The following DMD variants were observed in gnomAD, a reference collection of about 807,000 sequenced individuals.
DMD encodes mutant dystrophin.
A neutral mutation model predicts 330.1 loss-of-function variants in DMD; 63 were observed. The ratio of observed to expected loss-of-function variants is 0.19; its 90% CI spans 0.16 to 0.24. The LOEUF (loss-of-function observed/expected upper bound fraction) is 0.24, where lower values mean the gene tolerates loss of function less well. Among genes scored for constraint, DMD ranks in the 10% least tolerant of loss-of-function variants. DMD has a pLI of 1.00. For synonymous variants in DMD, 1,223 were observed against 959.8 expected, an observed-to-expected ratio of 1.27 and a Z score of -5.07; for missense variants, 3,344 against 2,684.1, an observed-to-expected ratio of 1.25 and a Z score of -5.43.
At chrX:32,245,445 G>A (rs1259082272) in intron 43 of DMD, among the ~76,000 whole-genome samples, 2 of 86,884 alleles carry the variant, frequency 2.3e-5, no homozygotes, top group Non-Finnish European at 4.4e-5. Context: ...GGCGATGCGG[G>A]CTCTTTTTTG....
chrX:32,344,091 G>T, intron 39 of DMD, among the ~76,000 whole-genome samples: 1 of 111,915 alleles, frequency 8.9e-6, no homozygotes, highest in Non-Finnish European at 1.9e-5. Flanking sequence ...CAGTCATCAT[G>T]CTCTTTACAA....
intron 60 of DMD, among the ~76,000 whole-genome samples, chrX:31,355,921 T>A (rs1481429317): frequency 3.6e-5 from 4 of 110,130 alleles, no homozygotes; most frequent in African/African-American, 3.3e-5. Flanking sequence ...CAAACTCTCC[T>A]GGGCCTCCCA....
intron 59 of DMD, 84 bp from the exon 60 acceptor site, chrX:31,444,711 G>T: frequency 9.9e-7 from 1 of 1,009,723 alleles, no homozygotes; most frequent in South Asian, 1.9e-5. Context: ...TCTCTTTAGG[G>T]TGCAGTGCCA....
intron 9 of DMD, among the ~76,000 whole-genome samples, chrX:32,678,444 C>T (rs748550231): frequency 1.3e-3 from 147 of 111,200 alleles, no homozygotes; most frequent in African/African-American, 4.6e-3. Context: ...TAGTAAGTAG[C>T]AGAACCAGAA....
intron 1 of DMD, among the ~76,000 whole-genome samples, chrX:33,191,946 T>C (rs1047868119): frequency 8.9e-6 from 1 of 112,150 alleles, no homozygotes; most frequent in Non-Finnish European, 1.9e-5. Context: ...ACATGTGATA[T>C]GTAACAGCAG....
intron 44 of DMD, among the ~76,000 whole-genome samples, chrX:32,205,049 A>ACACACACC (rs2147768199): frequency 1.1e-5 from 1 of 93,840 alleles, no homozygotes; most frequent in Non-Finnish European, 2.2e-5. Flanking sequence ...ACACCCACAC[A>ACACACACC]CACACAGTCG....
At chrX:31,607,175 T>A (rs974787007) in intron 55 of DMD, among the ~76,000 whole-genome samples, 1 of 111,890 alleles carries the variant, frequency 8.9e-6, no homozygotes, top group Non-Finnish European at 1.9e-5. Context: ...CAACTAATCC[T>A]GAGAACCTAT....
intron 18 of DMD, among the ~76,000 whole-genome samples, chrX:32,514,517 G>T (rs1030635710): frequency 4.5e-5 from 5 of 111,800 alleles, no homozygotes; most frequent in African/African-American, 1.6e-4. Flanking sequence ...CGAGGCGGGC[G>T]GATCACGAGG....
Position 31,163,115 on chromosome X carries a change from T to G in DMD, c.10553+6328A>C, listed in dbSNP as rs745888234. ...AGAAGGGCTCTGTAGCCCTTTGTTT[T>G]GGGGCCCATGTCACCAAATGATATA... On this transcript the variant is annotated intron_variant, in intron 74 of 78. Coordinates refer to ENST00000357033, the MANE Select transcript of DMD (RefSeq NM_004006.3). 1.4e-4 allele frequency among the ~76,000 whole-genome samples: 16 copies of G among 112,094 alleles called. No individual in the cohort carries two copies. The East Asian group carries it at 4.5e-3, about 31-fold the overall frequency.
At chrX:32,871,891 C>G (rs1243046383) in intron 2 of DMD, among the ~76,000 whole-genome samples, 4 of 110,847 alleles carry the variant, frequency 3.6e-5, no homozygotes, top group African/African-American at 1.3e-4. Flanking sequence ...TCAGTCACCC[C>G]CTCCCTCCCC....
intron 51 of DMD, among the ~76,000 whole-genome samples, chrX:31,762,698 G>A (rs1163066681): frequency 8.9e-6 from 1 of 111,974 alleles, no homozygotes; most frequent in Non-Finnish European, 1.9e-5. Flanking sequence ...ACATAATTCT[G>A]GAAGTCTTGC....
chrX:31,461,635 TTCTGA>T (rs2066531653), intron 59 of DMD, among the ~76,000 whole-genome samples: 1 of 111,586 alleles, frequency 9.0e-6, no homozygotes. Flanking sequence ...CCATCACTAA[TTCTGA>T]TGAACAGCTA....
intron 9 of DMD, among the ~76,000 whole-genome samples, chrX:32,689,297 C>A (rs1338714538): frequency 3.6e-5 from 4 of 110,317 alleles, no homozygotes; most frequent in African/African-American, 9.9e-5. Flanking sequence ...CAATTTTACA[C>A]CAAGAAACTG....
intron 17 of DMD, among the ~76,000 whole-genome samples, chrX:32,520,083 C>T (rs1433394957): frequency 9.0e-6 from 1 of 111,659 alleles, no homozygotes; most frequent in Non-Finnish European, 1.9e-5. Context: ...TCCTCTAAAT[C>T]CCATGTCACT....
chrX:32,186,298 G>A (rs895472452), intron 44 of DMD, among the ~76,000 whole-genome samples: 6 of 110,791 alleles, frequency 5.4e-5, no homozygotes, highest in African/African-American at 1.6e-4. Flanking sequence ...TTTTCTTAAT[G>A]CATTTGTCCT....
At chrX:32,440,331 T>A (rs1419356164) in intron 28 of DMD, among the ~76,000 whole-genome samples, 2 of 111,701 alleles carry the variant, frequency 1.8e-5, no homozygotes, top group Non-Finnish European at 3.8e-5. Context: ...TCAGGTTTTA[T>A]AATTTCCTTT....
At chrX:31,874,068 A>G in intron 48 of DMD, among the ~76,000 whole-genome samples, 1 of 111,789 alleles carries the variant, frequency 8.9e-6, no homozygotes, top group East Asian at 2.8e-4. Flanking sequence ...ACATATGAAC[A>G]ATGGGAGATG....
intron 2 of DMD, among the ~76,000 whole-genome samples, chrX:33,008,845 T>A (rs1411618870): frequency 0.12 from 6,519 of 56,102 alleles, 632 homozygotes; most frequent in Non-Finnish European, 0.15. Flanking sequence ...TATACACATA[T>A]ATGTATACGT....
chrX:33,240,483 G>A (rs1020226139), intron 1 of DMD, among the ~76,000 whole-genome samples: 1 of 111,716 alleles, frequency 9.0e-6, no homozygotes, highest in African/African-American at 3.3e-5. Context: ...CCCTTAGGTT[G>A]ATTCCATATC....
Sources: gnomAD v4.1 joint callset for allele counts (sites outside exome capture counted in the v4.1 genomes callset) on GRCh38, gnomAD v4.1.1 for gene constraint, MANE v1.5 for transcripts, NCBI Gene and HGNC (gene_info 2026-07-23, HGNC 2026-07-21) for gene names.